The following BAP1 variants were observed in gnomAD, a reference collection of about 807,000 sequenced individuals.
The protein encoded by BAP1 is ubiquitin carboxyl-terminal hydrolase BAP1.
A neutral mutation model predicts 77.2 loss-of-function variants in BAP1; 16 were observed. The ratio of observed to expected loss-of-function variants is 0.21; its 90% CI spans 0.14 to 0.31. The LOEUF is 0.31. Among genes scored for constraint, BAP1 ranks in the 10% least tolerant of loss-of-function variants. The pLI is 1.00. For missense variants in BAP1, 699 were observed against 967.3 expected, an observed-to-expected ratio of 0.72 and a Z score of 3.68; for synonymous variants, 362 against 385.2, an observed-to-expected ratio of 0.94 and a Z score of 0.71.
At position 52,404,572 on chromosome 3, in the gene BAP1, C is replaced by A. The variant is rs572089064; in HGVS notation, c.1131G>T (p.Leu377=). 1 of 1,613,694 alleles carries A rather than the reference C, an allele frequency of 6.2e-7. No homozygotes were observed. ...AKSPMQEEED[L]AAGVGRSRVP... is the part of the protein sequence containing the mutation. Reference sequence around the variant, plus strand: ...CTCGGCTGCGGCCCACACCTGCCGCCAGGTCTTCTTCCTCCTGGGACAAAG... The same window carrying A: ...CTCGGCTGCGGCCCACACCTGCCGCAAGGTCTTCTTCCTCCTGGGACAAAG... Residue 377 remains leucine (L), a synonymous_variant, in exon 12 of 17, where the codon CTG becomes CTT. Transcript: ENST00000460680.
At chr3:52,404,736 G>T in intron 11 of BAP1, 150 bp from the exon 12 acceptor site, 1 of 1,227,512 alleles carries the variant, frequency 8.1e-7, no homozygotes, top group Non-Finnish European at 1.1e-6. Context: ...TTGGCTTGTG[G>T]GGAGGCTGCC....
In BAP1 at chr3:52,409,900, A is replaced by G. The variant is rs748803425; in HGVS notation, c.-22T>C. 6.2e-6 allele frequency: 10 copies of G among 1,603,490 alleles called. No individual in the cohort carries two copies. Among genetic ancestry groups the G allele is most frequent in the East Asian group, 2.2e-5 (1 of 44,832 alleles). ...TCATCTTCCCGCGGGGCGGCCCCTC[A>G]GCGCCATGTCCAGGCCCTCCCTCCC... On this transcript the variant is annotated 5_prime_UTR_variant, in exon 1 of 17. Coordinates refer to ENST00000460680, the MANE Select transcript of BAP1 (RefSeq NM_004656.4).
At position 52,403,332 on chromosome 3, in the gene BAP1, T is replaced by C. The variant is rs1458430382; in HGVS notation, c.1730-34A>G. ...AGAGGTCACAAGAAAATCATCAGAGTGCAGGACACTTTGTGGTCACTTGGC... is the reference window on the plus strand; with the variant it reads ...AGAGGTCACAAGAAAATCATCAGAGCGCAGGACACTTTGTGGTCACTTGGC... On this transcript the variant is annotated intron_variant, in intron 13 of 16. Coordinates refer to ENST00000460680, the MANE Select transcript of BAP1 (RefSeq NM_004656.4). This position sits in a 1 kb window ranked among gnomAD's most constrained non-coding sequence, Gnocchi z 4.0. 1 of 1,612,858 alleles carries C rather than the reference T, an allele frequency of 6.2e-7. No individual in the cohort carries two copies. Among genetic ancestry groups the C allele is most frequent in the South Asian group, 1.1e-5 (1 of 91,074 alleles).
chr3:52,402,857 C>T lies in BAP1; in HGVS notation c.1905G>A (p.Leu635=), dbSNP rs1301208674. The change falls in exon 15 of 17, where the codon CTG becomes CTA. Residue 635 remains leucine (L), a synonymous_variant. Coordinates refer to ENST00000460680, the MANE Select transcript of BAP1 (RefSeq NM_004656.4). This position sits in a 1 kb window ranked among gnomAD's most constrained non-coding sequence, Gnocchi z 5.3. ...CAATCTCAGCCTCCACACACTTCAG[C>T]AGTGCCAGCAGCTCCTGCCAAAACC... ...EKYSPKELLA[L]LKCVEAEIAN... is the part of the protein sequence containing the mutation. 1.2e-6 allele frequency: 2 copies of T among 1,614,102 alleles called. No individual in the cohort carries two copies. The highest frequency in any genetic ancestry group is 1.7e-6 in the Non-Finnish European group (2 of 1,180,056).
rs370004702 is a variant in BAP1 at position 52,403,293 on chromosome 3, C to T, written c.1735G>A (p.Gly579Arg). 111 of 1,613,896 alleles carry T rather than the reference C, an allele frequency of 6.9e-5. 4 individuals carry two copies. Among genetic ancestry groups the T allele is most frequent in the East Asian group, 5.3e-4 (24 of 44,886 alleles). The change falls in exon 14 of 17, where the codon GGG becomes AGG. Residue 579 changes from glycine (G) to arginine (R), a missense_variant. Coordinates refer to ENST00000460680, the MANE Select transcript of BAP1 (RefSeq NM_004656.4). This position sits in a 1 kb window ranked among gnomAD's most constrained non-coding sequence, Gnocchi z 4.0. ...VLSPLALTEGGKGSSPSIRPI... is the reference protein window; with the variant it reads ...VLSPLALTEGRKGSSPSIRPI... ...CTGATGGAGGGCGAGGAACCCTTCC[C>T]ACCCTCTGGGAAGAGAGGTCACAAG...
chr3:52,406,021 C>A lies in BAP1; in HGVS notation c.784-109G>T. On this transcript the variant is annotated intron_variant, in intron 9 of 16. Coordinates refer to ENST00000460680, the MANE Select transcript of BAP1 (RefSeq NM_004656.4). The surrounding 1 kb of genome is among the most constrained non-coding windows in gnomAD (Gnocchi z 4.6). ...AATAATGGCCTTGGCTCTACCCATTCACTCACAGGGAAATAAAACACCCAA... is the reference window on the plus strand; with the variant it reads ...AATAATGGCCTTGGCTCTACCCATTAACTCACAGGGAAATAAAACACCCAA... The A allele has an allele frequency of 1.3e-6, 2 of 1,547,770 alleles. No homozygotes were observed. The highest frequency in any genetic ancestry group is 1.8e-5 in the Admixed American group (1 of 55,142).
Position 52,403,128 on chromosome 3 carries a change from G to A in BAP1, c.1890+10C>T, listed in dbSNP as rs776553452. 1.3e-5 allele frequency: 21 copies of A among 1,612,388 alleles called. No individual in the cohort carries two copies. Among genetic ancestry groups the A allele is most frequent in the South Asian group, 7.7e-5 (7 of 91,078 alleles). On this transcript the variant is annotated intron_variant, in intron 14 of 16. Coordinates refer to ENST00000460680, the MANE Select transcript of BAP1 (RefSeq NM_004656.4). The surrounding 1 kb of genome is among the most constrained non-coding windows in gnomAD (Gnocchi z 4.0). ...CAGGATTAAAGGAGAAAACCACAACGGAGGCTCACCTTGGGTGAGTATTTC... is the reference window on the plus strand; with the variant it reads ...CAGGATTAAAGGAGAAAACCACAACAGAGGCTCACCTTGGGTGAGTATTTC...
chr3:52,405,435 G>A, intron 10 of BAP1, 141 bp from the exon 11 acceptor site: 1 of 661,262 alleles, frequency 1.5e-6, no homozygotes, highest in South Asian at 1.5e-5. Flanking sequence ...CAAGCTCTAA[G>A]TCATGATCCC....
Position 52,406,417 on chromosome 3 carries a change from G to T in BAP1, c.660-41C>A. ...CAGCCGTGAGAGCAGCTCCCGCCCC[G>T]GCCCCGCCATCAGGTTGAGGCAGAT... On this transcript the variant is annotated intron_variant, in intron 8 of 16. Transcript: ENST00000460680. This position sits in a 1 kb window ranked among gnomAD's most constrained non-coding sequence, Gnocchi z 4.6. The T allele has an allele frequency of 6.2e-7, 1 of 1,609,432 alleles. No homozygotes were observed. Among genetic ancestry groups the T allele is most frequent in the Non-Finnish European group, 8.5e-7 (1 of 1,179,764 alleles).
rs565074931 is a variant in BAP1 at position 52,407,064 on chromosome 3, C to T, written c.580+110G>A. 1.0e-5 allele frequency: 16 copies of T among 1,564,172 alleles called. No individual in the cohort carries two copies. The South Asian group carries it at 1.1e-4, about 11-fold the overall frequency. On this transcript the variant is annotated intron_variant, in intron 7 of 16. Coordinates refer to ENST00000460680, the MANE Select transcript of BAP1 (RefSeq NM_004656.4). ...TGAAACCCCAGCCAGAGCCGGGTGT[C>T]GGTACCGACAACCCCTGCCACTGGG...
At position 52,405,191 on chromosome 3, in the gene BAP1, C is replaced by G. The variant is rs369744075; in HGVS notation, c.1035G>C (p.Gly345=). The G allele has an allele frequency of 6.9e-4, 1,114 of 1,613,978 alleles. 1 individual carries two copies. Among genetic ancestry groups the G allele is most frequent in the Non-Finnish European group, 8.4e-4 (987 of 1,180,024 alleles). Residue 345 remains glycine (G), a synonymous_variant, in exon 11 of 17, where the codon GGG becomes GGC. Coordinates refer to ENST00000460680, the MANE Select transcript of BAP1 (RefSeq NM_004656.4). ...CAATGGGAGTGGGGTTGGGGTGAAC[C>G]CCATTGAGGCTGCTGCCTGGAGGCT... The part of the protein sequence containing the change: ...VVKPPGSSLN[G]VHPNPTPIVQ...
Position 52,403,173 on chromosome 3 carries a change from C to CA in BAP1, c.1854dup (p.Gly619TrpfsTer24). 1.9e-6 allele frequency: 3 copies of CA among 1,614,104 alleles called. No homozygotes were observed. The highest frequency in any genetic ancestry group is 2.5e-6 in the Non-Finnish European group (3 of 1,180,050). ...TATTTCTCCCCACTCAAGGGCTCGC[C>CA]AGGCCTCACCATCCCCGTCTTCTCT... is the stretch of plus-strand genomic sequence containing the variant. On this transcript the variant is annotated frameshift_variant, in exon 14 of 17. Transcript: ENST00000460680. LOFTEE classifies it high-confidence loss of function. This position sits in a 1 kb window ranked among gnomAD's most constrained non-coding sequence, Gnocchi z 4.0.
At chr3:52,404,620 G>C (rs759372400) in intron 11 of BAP1, 34 bp from the exon 12 acceptor site, 2 of 1,603,564 alleles carry the variant, frequency 1.2e-6, no homozygotes, top group Non-Finnish European at 1.7e-6. Flanking sequence ...ACAAACAAGT[G>C]CTGCTCGGCC....
Position 52,403,957 on chromosome 3 carries a change from C to T in BAP1, c.1251-63G>A. ...CCAGGTGACCATACCCAGCAGTACC[C>T]AGAATGGCTTAAATACATCCCGACC... On this transcript the variant is annotated intron_variant, in intron 12 of 16. Coordinates refer to ENST00000460680, the MANE Select transcript of BAP1 (RefSeq NM_004656.4). This position sits in a 1 kb window ranked among gnomAD's most constrained non-coding sequence, Gnocchi z 4.0. 7 of 1,562,800 alleles carry T rather than the reference C, an allele frequency of 4.5e-6. No homozygotes were observed. The highest frequency in any genetic ancestry group is 5.3e-6 in the Non-Finnish European group (6 of 1,137,926).
chr3:52,408,337 C>G (rs1015912961), intron 4 of BAP1, 137 bp downstream of exon 4: 1 of 1,404,476 alleles, frequency 7.1e-7, no homozygotes, highest in African/African-American at 1.4e-5. Flanking sequence ...GAGTTCAGTT[C>G]GTTCTGCCAG....
chr3:52,407,654 A>G (rs142506621), intron 5 of BAP1, among the ~76,000 whole-genome samples, 194 bp from the exon 6 acceptor site: 6 of 152,300 alleles, frequency 3.9e-5, no homozygotes, highest in African/African-American at 1.4e-4. Flanking sequence ...CTGGCCTTGC[A>G]TGGTAATTAG....
intron 11 of BAP1, 55 bp downstream of exon 11, chr3:52,405,055 T>C: frequency 6.2e-7 from 1 of 1,608,356 alleles, no homozygotes; most frequent in Admixed American, 1.7e-5. Context: ...AATTGCCTGT[T>C]GCAGCCTCTC....
chr3:52,404,330 G>A (rs886801206), intron 12 of BAP1, 123 bp downstream of exon 12: 22 of 1,543,686 alleles, frequency 1.4e-5, no homozygotes, highest in Middle Eastern at 3.5e-4. Context: ...GCCTCCCCCA[G>A]GGCCCCAAAC....
Position 52,406,679 on chromosome 3 carries a change from A to C in BAP1, c.659+150T>G, listed in dbSNP as rs896694024. ...CCACAGGCAGCCCAGGCAGGAAATAAGACAACAAGTTGAGAACCCATGATC... is the reference window on the plus strand; with the variant it reads ...CCACAGGCAGCCCAGGCAGGAAATACGACAACAAGTTGAGAACCCATGATC... On this transcript the variant is annotated intron_variant, in intron 8 of 16. Coordinates refer to ENST00000460680, the MANE Select transcript of BAP1 (RefSeq NM_004656.4). This position sits in a 1 kb window ranked among gnomAD's most constrained non-coding sequence, Gnocchi z 4.6. 4.7e-6 allele frequency: 5 copies of C among 1,059,232 alleles called. No individual in the cohort carries two copies. The African/African-American group carries it at 7.9e-5, about 17-fold the overall frequency. The allele number at this position is 1,059,232 out of a possible 1,614,324, so 65.6% of individuals were successfully genotyped here. A position where few individuals can be genotyped will look rare whatever the true frequency, so the allele number is the denominator to read the frequency against.
Sources: allele counts gnomAD v4.1 joint callset (sites outside exome capture counted in the v4.1 genomes callset), GRCh38; gene constraint gnomAD v4.1.1; non-coding constraint Gnocchi (gnomAD v3.1); transcripts MANE v1.5; gene names NCBI Gene and HGNC (gene_info 2026-07-23, HGNC 2026-07-21).